AAMDC: variants seen among roughly 807,000 people sequenced by gnomAD.
AAMDC encodes the protein mth938 domain-containing protein.
A neutral mutation model predicts 15.5 loss-of-function variants in AAMDC; 16 were observed. The ratio of observed to expected loss-of-function variants is 1.03; its 90% confidence interval spans 0.70 to 1.57. AAMDC has a LOEUF of 1.57. Ranked by LOEUF, AAMDC falls within the 40% of genes most tolerant of loss-of-function variation. AAMDC has a pLI of 0.00. For synonymous variants in AAMDC, 51 were observed against 51.6 expected, an observed-to-expected ratio of 0.99 and a Z score of 0.05; for missense variants, 141 against 144.9, an observed-to-expected ratio of 0.97 and a Z score of 0.14.
chr11:77,896,561 A>G (rs1952527529), intron 5 of AAMDC, among the ~76,000 whole-genome samples: 1 of 151,636 alleles, frequency 6.6e-6, no homozygotes, highest in Non-Finnish European at 1.5e-5. Flanking sequence ...TTGAGGCAGG[A>G]GAATCTCTTG....
chr11:77,834,054 G>A (rs1183220205), intron 1 of AAMDC, among the ~76,000 whole-genome samples: 1 of 152,192 alleles, frequency 6.6e-6, no homozygotes, highest in Non-Finnish European at 1.5e-5. Flanking sequence ...GTTGTCAACA[G>A]CAGAAAAAGT....
chr11:77,892,321 A>G (rs566287638), intron 5 of AAMDC, among the ~76,000 whole-genome samples: 1 of 152,310 alleles, frequency 6.6e-6, no homozygotes, highest in Non-Finnish European at 1.5e-5. Flanking sequence ...AGAAAAGTTA[A>G]GTACGTTACT....
At chr11:77,870,997 C>G (rs1951403470) in intron 3 of AAMDC, among the ~76,000 whole-genome samples, 1 of 152,088 alleles carries the variant, frequency 6.6e-6, no homozygotes, top group Non-Finnish European at 1.5e-5. Flanking sequence ...CCCCTTACAT[C>G]TAGGGCTTTA....
chr11:77,895,239 AT>A (rs1344817807), intron 5 of AAMDC, among the ~76,000 whole-genome samples: 3 of 152,086 alleles, frequency 2.0e-5, no homozygotes, highest in African/African-American at 7.2e-5. Context: ...TCTGCATGAA[AT>A]TTCCCACTTG....
At chr11:77,826,033 A>C (rs1165753730) in intron 1 of AAMDC, among the ~76,000 whole-genome samples, 1 of 152,096 alleles carries the variant, frequency 6.6e-6, no homozygotes, top group Non-Finnish European at 1.5e-5. Flanking sequence ...ATTCTCTGAC[A>C]AGCCTGGCTA....
intron 1 of AAMDC, among the ~76,000 whole-genome samples, chr11:77,823,698 A>C (rs1437560844): frequency 2.0e-5 from 3 of 152,016 alleles, no homozygotes; most frequent in African/African-American, 7.2e-5. Flanking sequence ...ACATACAAAG[A>C]CTTTCATATA....
At chr11:77,888,110 C>A (rs10899412) in intron 5 of AAMDC, among the ~76,000 whole-genome samples, 7 of 151,718 alleles carry the variant, frequency 4.6e-5, no homozygotes, top group Non-Finnish European at 8.8e-5. Context: ...GAGCCCACAT[C>A]GCCAAGTCAA....
intron 1 of AAMDC, among the ~76,000 whole-genome samples, chr11:77,834,789 G>C (rs1949609608): frequency 1.3e-5 from 2 of 152,124 alleles, no homozygotes; most frequent in South Asian, 2.1e-4. Flanking sequence ...AATGTTTCTA[G>C]TATCAAGATA....
chr11:77,837,318 G>A (rs1404731797), intron 1 of AAMDC, among the ~76,000 whole-genome samples: 2 of 152,040 alleles, frequency 1.3e-5, no homozygotes, highest in Non-Finnish European at 2.9e-5. Flanking sequence ...GTTATTTTTA[G>A]TAGAGACAGG....
Position 77,885,832 on chromosome 11 carries a change from G to A in AAMDC, c.328+8783G>A, listed in dbSNP as rs1486946511. On this transcript the variant is annotated intron_variant, in intron 5 of 5. Transcript: ENST00000304716. The stretch of plus-strand genomic sequence containing the variant: ...GAGATTCTGTCTCAAAAAAAAGAAA[G>A]AAAGAAAGAAAAAGAAGGGCAGAGG... 2.0e-5 allele frequency among the ~76,000 whole-genome samples: 3 copies of A among 151,142 alleles called. No homozygotes were observed. The East Asian group carries it at 5.9e-4, about 30-fold the overall frequency.
At chr11:77,883,873 C>G in intron 5 of AAMDC, 3 of 1,612,692 alleles carry the variant, frequency 1.9e-6, no homozygotes, top group Non-Finnish European at 2.5e-6. Context: ...AGTGATGAGC[C>G]GGTGCCGCCC....
chr11:77,844,592 C>T (rs1274725467), intron 2 of AAMDC, among the ~76,000 whole-genome samples: 1 of 152,028 alleles, frequency 6.6e-6, no homozygotes, highest in South Asian at 2.1e-4. Context: ...GAACTCCTGA[C>T]CCCAAGAAAT....
intron 1 of AAMDC, among the ~76,000 whole-genome samples, chr11:77,822,884 A>G (rs753873215): frequency 7.9e-5 from 12 of 152,216 alleles, no homozygotes; most frequent in Admixed American, 1.3e-4. Context: ...GGCATATTTT[A>G]TGTTACATGT....
chr11:77,876,525 G>T (rs951975905), downstream of AAMDC, among the ~76,000 whole-genome samples: 1 of 151,762 alleles, frequency 6.6e-6, no homozygotes, highest in Non-Finnish European at 1.5e-5. Context: ...GCCCAACCCC[G>T]ATACGATACT....
In AAMDC at chr11:77,857,701, T is replaced by C. The variant is rs888444644; in HGVS notation, c.133-12021T>C. 2.4e-4 allele frequency among the ~76,000 whole-genome samples: 35 copies of C among 148,224 alleles called. 1 individual carries two copies. The South Asian group carries it at 7.3e-3, about 31-fold the overall frequency. ...CCTATCAACCCATCAACTAAGTTGT[T>C]TTTTTTTTTTTTTGAGATGGAGTCT... is the stretch of plus-strand genomic sequence containing the variant. On this transcript the variant is annotated intron_variant, in intron 2 of 3. Transcript: ENST00000393427.
intron 2 of AAMDC, among the ~76,000 whole-genome samples, chr11:77,852,503 A>G (rs572002474): frequency 6.6e-6 from 1 of 152,158 alleles, no homozygotes. Flanking sequence ...AGATATCCAC[A>G]TCCATGATCC....
At chr11:77,855,119 G>T (rs1248974309) in intron 2 of AAMDC, among the ~76,000 whole-genome samples, 1 of 152,186 alleles carries the variant, frequency 6.6e-6, no homozygotes, top group African/African-American at 2.4e-5. Context: ...GCTGCACAGA[G>T]CAGTGAGGCC....
intron 5 of AAMDC, chr11:77,891,569 A>T: frequency 3.8e-6 from 6 of 1,563,454 alleles, no homozygotes; most frequent in Non-Finnish European, 5.2e-6. Context: ...TGTGGGAGCC[A>T]CTCAGAGGAA....
chr11:77,842,509 G>C lies in AAMDC; in HGVS notation c.13G>C (p.Glu5Gln). The change falls in exon 2 of 4, where the codon GAA (glutamate) becomes CAA (glutamine). Residue 5 changes from glutamate (E) to glutamine (Q), a missense_variant. By Grantham distance (29) the Glu-to-Gln change is conservative. Transcript: ENST00000393427. ...AGTGAAGTTCCTTATGACTTCCCCT[G>C]AAATTGCTTCCTTATCATGGGGGCA... MTSP[E>Q]IASLSWGQMK... The C allele has an allele frequency of 6.2e-7, 1 of 1,613,674 alleles. No individual in the cohort carries two copies. Among genetic ancestry groups the C allele is most frequent in the Non-Finnish European group, 8.5e-7 (1 of 1,179,932 alleles).
Sources: gnomAD v4.1 joint callset for allele counts (sites outside exome capture counted in the v4.1 genomes callset) on GRCh38, gnomAD v4.1.1 for gene constraint, MANE v1.5 for transcripts, NCBI Gene and HGNC (gene_info 2026-07-23, HGNC 2026-07-21) for gene names.